Variants in SLC16A14 observed in about 807,000 individuals in gnomAD.
SLC16A14 encodes solute carrier family 16 member 14.
A neutral mutation model predicts 35.8 loss-of-function variants in SLC16A14; 14 were observed. The observed-to-expected ratio is 0.39, with a 90% CI of 0.26 to 0.61. The LOEUF is 0.61. Among genes scored for constraint, SLC16A14 ranks in the 20% least tolerant of loss-of-function variants. SLC16A14 has a pLI of 0.51. For missense variants in SLC16A14, 533 were observed against 655.0 expected (o/e 0.81, Z 2.03); for synonymous variants, 248 against 258.9 (o/e 0.96, Z 0.40).
chr2:230,060,070 G>A (rs2077739036), intron 1 of SLC16A14, among the ~76,000 whole-genome samples: 1 of 152,072 alleles, frequency 6.6e-6, no homozygotes, highest in African/African-American at 2.4e-5. Flanking sequence ...AACTTAATTA[G>A]TTACTAGAAA....
At chr2:230,049,715 C>T in intron 3 of SLC16A14, 46 bp downstream of exon 3, 1 of 1,597,246 alleles carries the variant, frequency 6.3e-7, no homozygotes, top group Non-Finnish European at 8.6e-7. Context: ...GCCAAGATGT[C>T]TTATAAAACA....
chr2:230,052,170 C>T (rs1015026378), intron 2 of SLC16A14, among the ~76,000 whole-genome samples: 2 of 151,960 alleles, frequency 1.3e-5, no homozygotes, highest in African/African-American at 4.8e-5. Context: ...CTCCTGACCT[C>T]GTGATCCGCC....
intron 3 of SLC16A14, among the ~76,000 whole-genome samples, chr2:230,048,571 G>A (rs968997600): frequency 3.9e-5 from 6 of 152,232 alleles, no homozygotes; most frequent in East Asian, 3.9e-4. Flanking sequence ...TTGCTTCTTC[G>A]TCTCTACATA....
At chr2:230,045,167 A>AC (rs539933302) in intron 4 of SLC16A14, among the ~76,000 whole-genome samples, 1 of 152,122 alleles carries the variant, frequency 6.6e-6, no homozygotes, top group Non-Finnish European at 1.5e-5. Context: ...GTATTCCATC[A>AC]CCCCATCCAC....
intron 1 of SLC16A14, among the ~76,000 whole-genome samples, chr2:230,066,152 A>C (rs1236142590): frequency 6.6e-6 from 1 of 152,132 alleles, no homozygotes; most frequent in African/African-American, 2.4e-5. Context: ...TAAAAATACA[A>C]AAATTAGCCA....
chr2:230,063,195 G>A (rs1055862758), intron 1 of SLC16A14, among the ~76,000 whole-genome samples: 1 of 150,514 alleles, frequency 6.6e-6, no homozygotes, highest in Non-Finnish European at 1.5e-5. Flanking sequence ...GCTGAGGTAG[G>A]AGAATTGTTT....
At chr2:230,067,789 C>G (rs551131753) in intron 1 of SLC16A14, among the ~76,000 whole-genome samples, 1 of 152,350 alleles carries the variant, frequency 6.6e-6, no homozygotes, top group South Asian at 2.1e-4. Context: ...CCGAAATGGC[C>G]GTCCCCGGTC....
chr2:230,053,373 T>G (rs1031598652), intron 2 of SLC16A14, among the ~76,000 whole-genome samples: 1 of 152,230 alleles, frequency 6.6e-6, no homozygotes, highest in African/African-American at 2.4e-5. Flanking sequence ...ATACAATCCT[T>G]TGACCATGAC....
intron 1 of SLC16A14, among the ~76,000 whole-genome samples, chr2:230,067,552 CTCTCT>C (rs2077810288): frequency 6.8e-6 from 1 of 146,390 alleles, no homozygotes; most frequent in African/African-American, 2.6e-5. Flanking sequence ...CTCTCTCTCT[CTCTCT>C]CTCTCTCTCT....
chr2:230,036,293 C>G lies in SLC16A14; in HGVS notation c.*1087G>C, dbSNP rs895746808. The stretch of plus-strand genomic sequence containing the variant: ...TCAATCAAGAGAACTATTTTTAAAA[C>G]TGTGCCACGCTCAGGCAAATGAATG... On this transcript the variant is annotated 3_prime_UTR_variant, in exon 5 of 5. Transcript: ENST00000295190. 6.6e-6 allele frequency: 1 copy of G among 152,326 alleles called. No individual in the cohort carries two copies. Among genetic ancestry groups the G allele is most frequent in the Non-Finnish European group, 1.5e-5 (1 of 68,024 alleles). The allele number at this position is 152,326 out of a possible 1,614,324, so 9.4% of individuals were successfully genotyped here.
Position 230,035,013 on chromosome 2 carries a change from G to A in SLC16A14, c.*2367C>T, listed in dbSNP as rs1369306235. On this transcript the variant is annotated 3_prime_UTR_variant, in exon 5 of 5. Coordinates refer to ENST00000295190, the MANE Select transcript of SLC16A14 (RefSeq NM_152527.5). Reference sequence around the variant, plus strand: ...GAGGACAACATTTATTTAGTTGTATGTAAATAAAAATTACTTGGATACATG... The same window carrying A: ...GAGGACAACATTTATTTAGTTGTATATAAATAAAAATTACTTGGATACATG... 1 of 152,182 alleles carries A rather than the reference G, an allele frequency of 6.6e-6. No homozygotes were observed. The highest frequency in any genetic ancestry group is 1.5e-5 in the Non-Finnish European group (1 of 68,038). 9.4% of individuals were successfully genotyped at this position (152,182 alleles called of 1,614,324 possible).
At chr2:230,045,318 A>G (rs2077595028) in intron 4 of SLC16A14, among the ~76,000 whole-genome samples, 1 of 152,188 alleles carries the variant, frequency 6.6e-6, no homozygotes, top group South Asian at 2.1e-4. Flanking sequence ...ACCACTTTGG[A>G]AGGCTGAGGC....
intron 1 of SLC16A14, among the ~76,000 whole-genome samples, chr2:230,061,687 T>G (rs916362099): frequency 6.6e-6 from 1 of 152,174 alleles, no homozygotes; most frequent in Non-Finnish European, 1.5e-5. Context: ...AACCTTGGTT[T>G]GGAAAGTGAC....
rs1448393713 is a variant in SLC16A14 at position 230,055,087 on chromosome 2, G to GTCTAC, written c.259+4006_259+4007insGTAGA. Among the ~76,000 whole-genome samples, 3 of 152,106 alleles carry GTCTAC rather than the reference G, an allele frequency of 2.0e-5. No individual in the cohort carries two copies. The East Asian group carries it at 5.8e-4, about 29-fold the overall frequency. ...GTAGACACAATTTTGGAGTCCCATG[G>GTCTAC]ACCAGGTTTAAAGCCAGTTCTACAC... On this transcript the variant is annotated intron_variant, in intron 2 of 4. Transcript: ENST00000295190.
At chr2:230,054,687 G>C (rs1402806552) in intron 2 of SLC16A14, among the ~76,000 whole-genome samples, 1 of 152,146 alleles carries the variant, frequency 6.6e-6, no homozygotes, top group African/African-American at 2.4e-5. Flanking sequence ...GATTGATTGA[G>C]ACCAGTCTCA....
At chr2:230,055,795 T>C (rs2077699018) in intron 2 of SLC16A14, among the ~76,000 whole-genome samples, 1 of 152,244 alleles carries the variant, frequency 6.6e-6, no homozygotes, top group Admixed American at 6.5e-5. Context: ...TTTTTTGATG[T>C]TACTGCGTGC....
intron 2 of SLC16A14, among the ~76,000 whole-genome samples, chr2:230,052,011 A>G (rs1054868525): frequency 2.7e-5 from 4 of 148,314 alleles, no homozygotes; most frequent in Non-Finnish European, 4.4e-5. Context: ...ATCTCGACTC[A>G]CTGCAAGCTC....
At chr2:230,040,839 G>A (rs143713378) in intron 4 of SLC16A14, among the ~76,000 whole-genome samples, 5 of 152,164 alleles carry the variant, frequency 3.3e-5, no homozygotes, top group African/African-American at 1.2e-4. Context: ...AAACCCAGTC[G>A]GATGTAAAGC....
At chr2:230,047,050 T>G (rs2077614921) in intron 3 of SLC16A14, among the ~76,000 whole-genome samples, 1 of 152,156 alleles carries the variant, frequency 6.6e-6, no homozygotes, top group Non-Finnish European at 1.5e-5. Flanking sequence ...TCACCACTGG[T>G]GTGCCCAGGA....
Sources: gnomAD v4.1 joint callset for allele counts (sites outside exome capture counted in the v4.1 genomes callset) on GRCh38, gnomAD v4.1.1 for gene constraint, MANE v1.5 for transcripts, NCBI Gene and HGNC (gene_info 2026-07-23, HGNC 2026-07-21) for gene names.